The following ASTN2 variants were observed in gnomAD, a reference collection of about 807,000 sequenced individuals.
The protein encoded by ASTN2 is astrotactin-2.
A neutral mutation model predicts 139.8 loss-of-function variants in ASTN2; 54 were observed. The ratio of observed to expected loss-of-function variants is 0.39; its 90% CI spans 0.31 to 0.48. The LOEUF (loss-of-function observed/expected upper bound fraction) is 0.48. Among genes scored for constraint, ASTN2 ranks in the 20% least tolerant of loss-of-function variants. The pLI, the probability that ASTN2 is intolerant of heterozygous loss-of-function variation, is 0.95. For missense variants in ASTN2, 1,565 were observed against 1,725.1 expected, an observed-to-expected ratio of 0.91 and a Z score of 1.64; for synonymous variants, 756 against 719.5, an observed-to-expected ratio of 1.05 and a Z score of -0.81.
At chr9:116,509,153 C>A (rs773409388) in intron 19 of ASTN2, among the ~76,000 whole-genome samples, 4 of 152,124 alleles carry the variant, frequency 2.6e-5, no homozygotes, top group Non-Finnish European at 5.9e-5. Flanking sequence ...TGCTATCACT[C>A]CCCCTTCCCC....
intron 20 of ASTN2, among the ~76,000 whole-genome samples, chr9:116,453,532 T>C (rs145214455): frequency 0.041 from 5,383 of 132,000 alleles, 123 homozygotes; most frequent in East Asian, 0.084. Flanking sequence ...AGGTGGAGCT[T>C]GCAGCGAGCT....
chr9:117,016,647 TA>T (rs1837704686), intron 6 of ASTN2, among the ~76,000 whole-genome samples: 3 of 101,368 alleles, frequency 3.0e-5, no homozygotes, highest in African/African-American at 1.2e-4. Context: ...TATATATATA[TA>T]TATATATAAC....
chr9:117,090,315 T>C (rs1453023020), intron 5 of ASTN2, among the ~76,000 whole-genome samples: 3 of 152,160 alleles, frequency 2.0e-5, no homozygotes, highest in Non-Finnish European at 4.4e-5. Flanking sequence ...CAGACACGCA[T>C]ATCTTGGTCT....
intron 17 of ASTN2, among the ~76,000 whole-genome samples, chr9:116,645,493 G>C (rs1017849512): frequency 6.6e-6 from 1 of 152,078 alleles, no homozygotes; most frequent in African/African-American, 2.4e-5. Flanking sequence ...TACCCAAGGA[G>C]CTAGGGTCCA....
chr9:116,964,258 C>CGCGCGT (rs1564362650), intron 10 of ASTN2, among the ~76,000 whole-genome samples: 2 of 59,258 alleles, frequency 3.4e-5, no homozygotes, highest in African/African-American at 8.2e-5. Context: ...TGTGTGTGTG[C>CGCGCGT]GCGCGCGCGC....
chr9:116,530,150 T>A (rs10118306), intron 19 of ASTN2, among the ~76,000 whole-genome samples: 419 of 21,002 alleles, frequency 0.02, 3 homozygotes, highest in African/African-American at 0.041. Context: ...TATATATATA[T>A]AAAATAGAAT....
At chr9:116,588,709 C>T (rs1472739369) in intron 19 of ASTN2, among the ~76,000 whole-genome samples, 1 of 152,154 alleles carries the variant, frequency 6.6e-6, no homozygotes, top group African/African-American at 2.4e-5. Context: ...CACCTATTCA[C>T]ACTGATTTTT....
At chr9:116,624,246 T>C (rs1856326330) in intron 17 of ASTN2, among the ~76,000 whole-genome samples, 1 of 152,226 alleles carries the variant, frequency 6.6e-6, no homozygotes. Context: ...AGATTCCTCG[T>C]TCTTAACCTC....
At position 116,791,016 on chromosome 9, in the gene ASTN2, AAAGAAAGAAAGAAAGAAAGAAAG is replaced by A. The variant is rs1164790834; in HGVS notation, c.2396+14593_2396+14615del. Among the ~76,000 whole-genome samples the A allele has an allele frequency of 2.1e-3, 278 of 129,486 alleles. 3 individuals are homozygous for A. The highest frequency in any genetic ancestry group is 4.4e-3 in the South Asian group (16 of 3,650). 84.9% of individuals were successfully genotyped at this position (129,486 alleles called of 152,430 possible). A position where few individuals can be genotyped will look rare whatever the true frequency, so the allele number is the denominator to read the frequency against. On this transcript the variant is annotated intron_variant, in intron 13 of 22. Coordinates refer to ENST00000313400, the MANE Select transcript of ASTN2 (RefSeq NM_001365068.1). ...GAAAGAAAGAAAGAAAGAAAGAAAG[AAAGAAAGAAAGAAAGAAAGAAAG>A]AAAGAAAAGAAAAGAAAGAAAGAAG...
chr9:117,090,608 A>G (rs1456237854), intron 5 of ASTN2, among the ~76,000 whole-genome samples: 1 of 152,228 alleles, frequency 6.6e-6, no homozygotes, highest in African/African-American at 2.4e-5. Flanking sequence ...AAAATATTAG[A>G]AGACAGAACA....
chr9:116,948,607 T>A (rs561416454), intron 10 of ASTN2, among the ~76,000 whole-genome samples: 1 of 151,882 alleles, frequency 6.6e-6, no homozygotes, highest in Non-Finnish European at 1.5e-5. Flanking sequence ...ATACTACATA[T>A]GCTCATTGCT....
chr9:117,036,110 G>C (rs1838377627), intron 6 of ASTN2, among the ~76,000 whole-genome samples: 1 of 152,096 alleles, frequency 6.6e-6, no homozygotes, highest in Admixed American at 6.6e-5. Flanking sequence ...TTTACAGATA[G>C]GTGAGAAAAA....
rs149831692 is a variant in ASTN2, at chr9:116,893,609, G to A, written c.1890-29876C>T. 2.1e-3 allele frequency among the ~76,000 whole-genome samples: 326 copies of A among 152,144 alleles called. 1 individual carries two copies. The highest frequency in any genetic ancestry group is 7.4e-3 in the African/African-American group (306 of 41,522). ...TGAACTCAATACGATGATGTGTCAG[G>A]GTTCCTGGTAGGTGCCTGCATGGAG... On this transcript the variant is annotated intron_variant, in intron 10 of 22. Coordinates refer to ENST00000313400, the MANE Select transcript of ASTN2 (RefSeq NM_001365068.1).
chr9:116,957,554 G>A (rs1044398887), intron 10 of ASTN2, among the ~76,000 whole-genome samples: 2 of 152,236 alleles, frequency 1.3e-5, no homozygotes, highest in Non-Finnish European at 2.9e-5. Context: ...AATTTGGACA[G>A]CTTTCAGCCT....
chr9:116,460,640 A>T (rs1848458394), intron 20 of ASTN2, among the ~76,000 whole-genome samples: 2 of 152,172 alleles, frequency 1.3e-5, no homozygotes, highest in South Asian at 4.1e-4. Context: ...GCTTTTTAAA[A>T]TTTGTAAATG....
chr9:116,964,911 T>A (rs2132509338), intron 10 of ASTN2, among the ~76,000 whole-genome samples: 1 of 152,320 alleles, frequency 6.6e-6, no homozygotes, highest in Non-Finnish European at 1.5e-5. Flanking sequence ...ATCCTCAGTA[T>A]CTCCATTCAC....
chr9:116,748,584 C>G (rs1038519144), intron 13 of ASTN2, among the ~76,000 whole-genome samples: 21 of 152,200 alleles, frequency 1.4e-4, no homozygotes, highest in Admixed American at 3.3e-4. Context: ...ACACACTCCT[C>G]AAGGGCAAGG....
intron 2 of ASTN2, among the ~76,000 whole-genome samples, chr9:117,249,179 A>G (rs533144654): frequency 1.3e-5 from 2 of 152,358 alleles, no homozygotes; most frequent in Admixed American, 1.3e-4. Flanking sequence ...TTCTTCAAGT[A>G]GCTACTTGGA....
chr9:116,977,986 G>A (rs537034602), intron 7 of ASTN2, among the ~76,000 whole-genome samples: 1 of 152,008 alleles, frequency 6.6e-6, no homozygotes, highest in East Asian at 1.9e-4. Flanking sequence ...CAAAGTGCCG[G>A]GATTACACGT....
Sources: gnomAD v4.1 joint callset for allele counts (sites outside exome capture counted in the v4.1 genomes callset) on GRCh38, gnomAD v4.1.1 for gene constraint, MANE v1.5 for transcripts, NCBI Gene and HGNC (gene_info 2026-07-23, HGNC 2026-07-21) for gene names.